The following TMEM132D variants were observed in gnomAD, a reference collection of about 807,000 sequenced individuals.
TMEM132D encodes the protein transmembrane protein 132D, also known as mature OL transmembrane protein.
Under a neutral mutation model 62.3 loss-of-function variants are expected in TMEM132D, and 21 were observed. The observed-to-expected ratio is 0.34, with a 90% CI of 0.24 to 0.49. The LOEUF (loss-of-function observed/expected upper bound fraction) is 0.49, where lower values mean the gene tolerates loss of function less well. Ranked by LOEUF, TMEM132D falls within the 20% of genes least tolerant of loss-of-function variation. The probability of loss-of-function intolerance (pLI) is 0.99; values close to 1 mark genes in which losing one functional copy is unlikely to be tolerated. For missense variants in TMEM132D, 1,346 were observed against 1,402.8 expected, an observed-to-expected ratio of 0.96 and a Z score of 0.65; for synonymous variants, 621 against 575.6, an observed-to-expected ratio of 1.08 and a Z score of -1.13.
intron 1 of TMEM132D, among the ~76,000 whole-genome samples, chr12:129,774,727 GCA>G (rs1181570426): frequency 6.6e-6 from 1 of 152,252 alleles, no homozygotes; most frequent in Non-Finnish European, 1.5e-5. Flanking sequence ...GAGGCAGAAT[GCA>G]CAGATGTGGA....
At chr12:129,561,375 A>T (rs140092048) in intron 2 of TMEM132D, among the ~76,000 whole-genome samples, 193 of 152,288 alleles carry the variant, frequency 1.3e-3, no homozygotes, top group Admixed American at 3.6e-3. Flanking sequence ...GGCAACAGAG[A>T]CCAATGTATG....
At chr12:129,362,522 G>T in intron 3 of TMEM132D, among the ~76,000 whole-genome samples, 1 of 147,020 alleles carries the variant, frequency 6.8e-6, no homozygotes, top group South Asian at 2.1e-4. Flanking sequence ...TCCACATCAT[G>T]ACATTTAAAA....
intron 3 of TMEM132D, among the ~76,000 whole-genome samples, chr12:129,452,406 C>G (rs1306635539): frequency 6.6e-6 from 1 of 152,204 alleles, no homozygotes; most frequent in African/African-American, 2.4e-5. Flanking sequence ...TCCGTGCTTA[C>G]AAAGTGATTT....
At chr12:129,485,757 G>A (rs1403647142) in intron 3 of TMEM132D, among the ~76,000 whole-genome samples, 1 of 152,242 alleles carries the variant, frequency 6.6e-6, no homozygotes, top group Non-Finnish European at 1.5e-5. Flanking sequence ...TCTGGGGCCA[G>A]CAGGTTCAAA....
chr12:129,696,359 G>A (rs1881207630), intron 2 of TMEM132D, among the ~76,000 whole-genome samples: 1 of 152,170 alleles, frequency 6.6e-6, no homozygotes, highest in African/African-American at 2.4e-5. Context: ...ATTTAAAACT[G>A]CAGAGACCTC....
chr12:129,406,553 GA>G (rs1871796296), intron 3 of TMEM132D, among the ~76,000 whole-genome samples: 1 of 151,664 alleles, frequency 6.6e-6, no homozygotes, highest in Non-Finnish European at 1.5e-5. Context: ...CCGGGAGGCG[GA>G]GGTTGCAGTG....
intron 1 of TMEM132D, among the ~76,000 whole-genome samples, chr12:129,812,474 T>C (rs1872215840): frequency 6.6e-6 from 1 of 151,778 alleles, no homozygotes; most frequent in South Asian, 2.1e-4. Context: ...TGTTCCATCA[T>C]CTTTGGCAAA....
intron 2 of TMEM132D, among the ~76,000 whole-genome samples, chr12:129,585,401 A>G (rs1298804906): frequency 1.3e-5 from 2 of 152,218 alleles, no homozygotes; most frequent in African/African-American, 4.8e-5. Context: ...GAATCTGCAG[A>G]GAAGATCAGC....
intron 3 of TMEM132D, among the ~76,000 whole-genome samples, chr12:129,530,810 C>G (rs938838996): frequency 2.0e-5 from 3 of 152,134 alleles, no homozygotes; most frequent in African/African-American, 7.2e-5. Context: ...TCAATTCCAT[C>G]TGCATGGTGC....
chr12:129,876,622 G>C (rs1173706275), intron 1 of TMEM132D, among the ~76,000 whole-genome samples: 5 of 152,164 alleles, frequency 3.3e-5, no homozygotes, highest in African/African-American at 4.8e-5. Context: ...TTCAGGTATG[G>C]CTGGATCAAG....
chr12:129,115,767 G>A (rs1565969277), intron 5 of TMEM132D, among the ~76,000 whole-genome samples: 1 of 152,214 alleles, frequency 6.6e-6, no homozygotes, highest in Non-Finnish European at 1.5e-5. Flanking sequence ...ACTCCAGGCA[G>A]AGGTGACTCA....
At chr12:129,464,395 C>A (rs964486120) in intron 3 of TMEM132D, among the ~76,000 whole-genome samples, 36 of 152,018 alleles carry the variant, frequency 2.4e-4, no homozygotes, top group African/African-American at 8.0e-4. Context: ...GAGTAGGTTG[C>A]AAAAATTTTC....
intron 1 of TMEM132D, among the ~76,000 whole-genome samples, chr12:129,750,827 G>T (rs987183254): frequency 9.2e-5 from 14 of 151,612 alleles, no homozygotes; most frequent in Admixed American, 6.6e-4. Flanking sequence ...TAGAAGAGAG[G>T]TTTTTGGATG....
chr12:129,496,501 C>A lies in TMEM132D; in HGVS notation c.1115+34558G>T, dbSNP rs1415908295. 3.3e-5 allele frequency among the ~76,000 whole-genome samples: 5 copies of A among 151,888 alleles called. No homozygotes were observed. The South Asian group carries it at 8.3e-4, about 25-fold the overall frequency. On this transcript the variant is annotated intron_variant, in intron 3 of 8. Transcript: ENST00000422113. Reference sequence around the variant, plus strand: ...TAAAGGAGGAAATTATAATATTCAACGTGGGAAGTGACTCAGGCATGAATA... The same window carrying A: ...TAAAGGAGGAAATTATAATATTCAAAGTGGGAAGTGACTCAGGCATGAATA...
Position 129,903,421 on chromosome 12 carries a change from G to C in TMEM132D, c.-82C>G. ...GACCGTCTCAGTCCCCTAGAGGCCC[G>C]CAGCGGGGCCGGTGGCGAGGGAGCG... is the stretch of plus-strand genomic sequence containing the variant. On this transcript the variant is annotated 5_prime_UTR_variant, in exon 1 of 9. Transcript: ENST00000422113. This position sits in a 1 kb window ranked among gnomAD's most constrained non-coding sequence, Gnocchi z 6.2. 1 of 1,438,830 alleles carries C rather than the reference G, an allele frequency of 7.0e-7. No homozygotes were observed. Among genetic ancestry groups the C allele is most frequent in the Non-Finnish European group, 9.5e-7 (1 of 1,051,246 alleles). The allele number at this position is 1,438,830 out of a possible 1,614,324, so 89.1% of individuals were successfully genotyped here.
At chr12:129,418,958 C>A (rs905548235) in intron 3 of TMEM132D, among the ~76,000 whole-genome samples, 3 of 152,052 alleles carry the variant, frequency 2.0e-5, no homozygotes, top group African/African-American at 7.2e-5. Context: ...CAGCACAGGC[C>A]AAGGGCTGCC....
chr12:129,627,135 A>T (rs1211330494), intron 2 of TMEM132D, among the ~76,000 whole-genome samples: 1 of 152,194 alleles, frequency 6.6e-6, no homozygotes, highest in Non-Finnish European at 1.5e-5. Flanking sequence ...CCATCTTTAC[A>T]CATGACGAGA....
At chr12:129,507,465 G>C (rs926376383) in intron 3 of TMEM132D, among the ~76,000 whole-genome samples, 1 of 152,146 alleles carries the variant, frequency 6.6e-6, no homozygotes, top group Admixed American at 6.5e-5. Context: ...CAACCCAAAT[G>C]ATCATCAATC....
intron 6 of TMEM132D, among the ~76,000 whole-genome samples, chr12:129,083,320 C>G (rs1228007598): frequency 6.6e-6 from 1 of 152,208 alleles, no homozygotes; most frequent in Non-Finnish European, 1.5e-5. Flanking sequence ...TTCTCGGTCT[C>G]CATCAGAACA....
Sources: allele counts gnomAD v4.1 joint callset (sites outside exome capture counted in the v4.1 genomes callset), GRCh38; gene constraint gnomAD v4.1.1; non-coding constraint Gnocchi (gnomAD v3.1); transcripts MANE v1.5; gene names NCBI Gene and HGNC (gene_info 2026-07-23, HGNC 2026-07-21).